MREG: variants seen among roughly 807,000 people sequenced by gnomAD.
MREG encodes dilute suppressor protein homolog.
Under a neutral mutation model 28.5 loss-of-function variants are expected in MREG, and 31 were observed. The observed-to-expected ratio is 1.09, with a 90% CI of 0.82 to 1.47. The LOEUF (loss-of-function observed/expected upper bound fraction) is 1.47, where lower values mean the gene tolerates loss of function less well. Ranked by LOEUF, MREG falls within the 40% of genes most tolerant of loss-of-function variation. MREG has a pLI of 0.00. For missense variants in MREG, 256 were observed against 257.4 expected (o/e 0.99, Z 0.04); for synonymous variants, 106 against 95.2 (o/e 1.11, Z -0.66).
intron 1 of MREG, among the ~76,000 whole-genome samples, chr2:216,019,725 T>C (rs2105929638): frequency 6.6e-6 from 1 of 152,208 alleles, no homozygotes; most frequent in East Asian, 1.9e-4. Flanking sequence ...CAGGATGGTC[T>C]CAATCTCCTG....
At chr2:216,029,567 G>C (rs930387702) in intron 1 of MREG, among the ~76,000 whole-genome samples, 1 of 152,234 alleles carries the variant, frequency 6.6e-6, no homozygotes, top group African/African-American at 2.4e-5. Flanking sequence ...CCTGCCTCCA[G>C]GCTGGCCCTT....
intron 1 of MREG, 52 bp downstream of exon 1, chr2:216,013,181 G>T: frequency 6.6e-7 from 1 of 1,504,352 alleles, no homozygotes; most frequent in Non-Finnish European, 9.0e-7. Context: ...CACTCTCGGC[G>T]CCCGGCTACG....
intron 2 of MREG, among the ~76,000 whole-genome samples, chr2:215,950,183 G>A (rs562251507): frequency 6.6e-6 from 1 of 152,294 alleles, no homozygotes; most frequent in South Asian, 2.1e-4. Flanking sequence ...GCAATTAAAG[G>A]TCTCTGACAA....
At chr2:216,007,266 A>G (rs1182502180) in intron 1 of MREG, among the ~76,000 whole-genome samples, 1 of 152,180 alleles carries the variant, frequency 6.6e-6, no homozygotes, top group Non-Finnish European at 1.5e-5. Context: ...GACATTCATG[A>G]ACATGCCTAG....
At chr2:215,956,414 GA>G (rs2105975119) in intron 2 of MREG, among the ~76,000 whole-genome samples, 1 of 152,122 alleles carries the variant, frequency 6.6e-6, no homozygotes, top group African/African-American at 2.4e-5. Flanking sequence ...CTTTTTTGCA[GA>G]TGCCTTTAAA....
At chr2:215,952,750 G>C (rs1692522428) in intron 2 of MREG, among the ~76,000 whole-genome samples, 1 of 151,924 alleles carries the variant, frequency 6.6e-6, no homozygotes, top group African/African-American at 2.4e-5. Context: ...ATGAAAACCA[G>C]AGGTTTTCAT....
At chr2:216,026,441 T>C (rs972396728) in intron 1 of MREG, among the ~76,000 whole-genome samples, 74 of 152,212 alleles carry the variant, frequency 4.9e-4, no homozygotes, top group African/African-American at 1.6e-3. Context: ...TCTAGGCTCA[T>C]TGCAACCTTC....
At chr2:215,941,153 C>T (rs1416151331), downstream of MREG, among the ~76,000 whole-genome samples, 2 of 152,160 alleles carry the variant, frequency 1.3e-5, no homozygotes, top group Non-Finnish European at 2.9e-5. Flanking sequence ...CCCGCTTCCA[C>T]ATGGCTTTCC....
intron 2 of MREG, among the ~76,000 whole-genome samples, chr2:215,960,016 C>T (rs996564224): frequency 6.6e-6 from 1 of 151,184 alleles, no homozygotes; most frequent in East Asian, 1.9e-4. Flanking sequence ...AGTGCAGTGG[C>T]GTGATCTCGG....
At chr2:215,995,372 C>T (rs1191807851) in intron 2 of MREG, among the ~76,000 whole-genome samples, 2 of 152,084 alleles carry the variant, frequency 1.3e-5, no homozygotes, top group South Asian at 2.1e-4. Context: ...ATAAAAGGAC[C>T]GGGACACATG....
At chr2:215,955,368 T>C (rs1574596727) in intron 2 of MREG, among the ~76,000 whole-genome samples, 1 of 152,358 alleles carries the variant, frequency 6.6e-6, no homozygotes, top group East Asian at 1.9e-4. Context: ...TTCTTTCCAA[T>C]ATCACTGTTG....
chr2:215,992,629 T>A (rs1248172712), intron 2 of MREG, among the ~76,000 whole-genome samples: 1 of 152,208 alleles, frequency 6.6e-6, no homozygotes. Context: ...AAATTGTCTC[T>A]GTTTGCAGAT....
intron 2 of MREG, among the ~76,000 whole-genome samples, chr2:215,970,259 C>T (rs185847650): frequency 7.9e-5 from 12 of 152,258 alleles, no homozygotes; most frequent in Admixed American, 5.9e-4. Context: ...ACAGCCACCT[C>T]CAAGCCAAGG....
At chr2:216,007,496 C>T (rs1018829929) in intron 1 of MREG, among the ~76,000 whole-genome samples, 2 of 152,010 alleles carry the variant, frequency 1.3e-5, no homozygotes, top group African/African-American at 2.4e-5. Flanking sequence ...GTATCTCAAT[C>T]TTGGCTCACT....
At chr2:216,024,568 T>C (rs1694566818) in intron 1 of MREG, among the ~76,000 whole-genome samples, 1 of 151,974 alleles carries the variant, frequency 6.6e-6, no homozygotes, top group African/African-American at 2.4e-5. Flanking sequence ...ACAAATACGG[T>C]TTCTTGCCTA....
chr2:215,989,128 A>G (rs1693657121), intron 2 of MREG, among the ~76,000 whole-genome samples: 1 of 152,084 alleles, frequency 6.6e-6, no homozygotes, highest in Non-Finnish European at 1.5e-5. Flanking sequence ...GTCAACAGAT[A>G]CCTCATACAG....
At chr2:215,949,298 G>A (rs1692421157) in intron 2 of MREG, among the ~76,000 whole-genome samples, 1 of 150,456 alleles carries the variant, frequency 6.6e-6, no homozygotes, top group Non-Finnish European at 1.5e-5. Flanking sequence ...GCTGGCTCAT[G>A]CCTATAATCC....
At chr2:215,983,398 T>C (rs1181875908) in intron 2 of MREG, among the ~76,000 whole-genome samples, 1 of 152,246 alleles carries the variant, frequency 6.6e-6, no homozygotes, top group East Asian at 1.9e-4. Flanking sequence ...CCACCCAATA[T>C]TCCAATCAAC....
intron 1 of MREG, among the ~76,000 whole-genome samples, chr2:216,031,483 AAGAAAGAAAG>A (rs1173563336): frequency 5.2e-5 from 7 of 135,424 alleles, no homozygotes; most frequent in African/African-American, 2.0e-4. Context: ...AAGAGAAAGA[AAGAAAGAAAG>A]AGAAAGAAAG....
Sources: allele counts gnomAD v4.1 joint callset (sites outside exome capture counted in the v4.1 genomes callset), GRCh38; gene constraint gnomAD v4.1.1; transcripts MANE v1.5; gene names NCBI Gene and HGNC (gene_info 2026-07-23, HGNC 2026-07-21).